ZNF654: variants seen among roughly 807,000 people sequenced by gnomAD.
The protein encoded by ZNF654 is zinc finger protein 654.
ZNF654 carries 19 observed loss-of-function variants against 95.3 expected under a neutral mutation model. The observed-to-expected ratio is 0.20, with a 90% CI of 0.14 to 0.29. ZNF654 has a LOEUF of 0.29. Ranked by LOEUF, ZNF654 falls within the 10% of genes least tolerant of loss-of-function variation. The pLI is 1.00. For synonymous variants in ZNF654, 413 were observed against 457.9 expected (o/e 0.90, Z 1.25); for missense variants, 1,046 against 1,341.0 (o/e 0.78, Z 3.44).
Position 88,059,265 on chromosome 3 carries a change from T to A in ZNF654, c.-55T>A. Reference sequence around the variant, plus strand: ...GAGGAGGAGGAGGTTAGCCTAGGCATCTACGGCGGCGGCGGCGGCGCAGGG... The same window carrying A: ...GAGGAGGAGGAGGTTAGCCTAGGCAACTACGGCGGCGGCGGCGGCGCAGGG... On this transcript the variant is annotated 5_prime_UTR_variant, in exon 1 of 9. Transcript: ENST00000636215. 6 of 1,531,802 alleles carry A rather than the reference T, an allele frequency of 3.9e-6. No individual in the cohort carries two copies. The highest frequency in any genetic ancestry group is 5.2e-6 in the Non-Finnish European group (6 of 1,145,726). 94.9% of individuals were successfully genotyped at this position (1,531,802 alleles called of 1,614,324 possible).
In ZNF654 at chr3:88,094,104, CTTTT is replaced by C. The variant is rs11449650; in HGVS notation, c.332+7711_332+7714del. On this transcript the variant is annotated intron_variant, in intron 2 of 8. Coordinates refer to ENST00000636215, the MANE Select transcript of ZNF654 (RefSeq NM_001350134.2). ...TCTTCTCTGAGGAAGAGATAATATT[CTTTT>C]TTTTTTTTGAGGCAGTTGGTGGTCT... Among the ~76,000 whole-genome samples, 794 of 147,918 alleles carry C rather than the reference CTTTT, an allele frequency of 5.4e-3. 5 individuals are homozygous for C. Among genetic ancestry groups the C allele is most frequent in the Non-Finnish European group, 9.0e-3 (600 of 66,884 alleles).
In ZNF654 at chr3:88,139,340, T is replaced by A; in HGVS notation, c.1671T>A (p.Gly557=). Residue 557 remains glycine, a synonymous_variant, in exon 8 of 9, where the codon GGT becomes GGA. Coordinates refer to ENST00000636215, the MANE Select transcript of ZNF654 (RefSeq NM_001350134.2). The part of the protein sequence containing the change: ...CMLCNKEFLG[G]HIVRHAQAHQ... ...TATGTAACAAGGAATTTTTAGGTGG[T>A]CACATTGTAAGGCATGCCCAGGCTC... is the stretch of plus-strand genomic sequence containing the variant. 1 of 1,607,626 alleles carries A rather than the reference T, an allele frequency of 6.2e-7. No homozygotes were observed. Among genetic ancestry groups the A allele is most frequent in the Non-Finnish European group, 8.5e-7 (1 of 1,177,878 alleles).
intron 2 of ZNF654, among the ~76,000 whole-genome samples, chr3:88,096,897 A>T (rs533345812): frequency 6.6e-6 from 1 of 152,264 alleles, no homozygotes; most frequent in Non-Finnish European, 1.5e-5. Flanking sequence ...ATATAAGAAA[A>T]AAACCTCATA....
chr3:88,110,538 A>T (rs1175256209), intron 2 of ZNF654, among the ~76,000 whole-genome samples: 1 of 152,106 alleles, frequency 6.6e-6, no homozygotes, highest in Non-Finnish European at 1.5e-5. Flanking sequence ...TTTCTCATGT[A>T]CTATACAAAA....
At chr3:88,070,940 A>C (rs1707476455) in intron 1 of ZNF654, among the ~76,000 whole-genome samples, 1 of 152,152 alleles carries the variant, frequency 6.6e-6, no homozygotes, top group Non-Finnish European at 1.5e-5. Flanking sequence ...ATATTATCCA[A>C]ATTTAATATA....
chr3:88,077,509 A>ATT (rs11379558), intron 1 of ZNF654, among the ~76,000 whole-genome samples: 19 of 151,556 alleles, frequency 1.3e-4, no homozygotes, highest in East Asian at 1.9e-4. Flanking sequence ...ATTTTTTGTG[A>ATT]TTTTTTTAGT....
chr3:88,139,766 T>G lies in ZNF654; in HGVS notation c.2097T>G (p.Asp699Glu), dbSNP rs1320798898. 4 of 1,554,284 alleles carry G rather than the reference T, an allele frequency of 2.6e-6. No individual in the cohort carries two copies. Among genetic ancestry groups the G allele is most frequent in the Non-Finnish European group, 3.5e-6 (4 of 1,148,260 alleles). Residue 699 changes from aspartate to glutamate, a missense_variant, in exon 8 of 9, where the codon GAT becomes GAG. By Grantham distance (45) the Asp-to-Glu change is conservative (BLOSUM62 2). Transcript: ENST00000636215. ...AGCCTTTAACTGAATGTGGGGATGA[T>G]TATGAGGAGGAAGAGGATGAAGAAG... Reference protein sequence around the residue: ...VFKPLTECGDDYEEEEDEEGD... With the variant: ...VFKPLTECGDEYEEEEDEEGD...
At chr3:88,126,565 TTAAG>T (rs990231610) in intron 4 of ZNF654, among the ~76,000 whole-genome samples, 1 of 149,358 alleles carries the variant, frequency 6.7e-6, no homozygotes, top group African/African-American at 2.5e-5. Context: ...TAAAATTTGT[TTAAG>T]TAGAAACATC....
chr3:88,124,651 G>GT (rs890440587), intron 3 of ZNF654, among the ~76,000 whole-genome samples: 3 of 151,980 alleles, frequency 2.0e-5, no homozygotes, highest in Non-Finnish European at 4.4e-5. Flanking sequence ...CTGAAAATAT[G>GT]TTTTTTTAAA....
At chr3:88,114,351 G>A (rs80083358) in intron 3 of ZNF654, among the ~76,000 whole-genome samples, 1,565 of 152,274 alleles carry the variant, frequency 0.01, 26 homozygotes, top group African/African-American at 0.035. Flanking sequence ...AATGTTTGGA[G>A]TAGATGAGGG....
chr3:88,133,743 G>A (rs6767258), intron 6 of ZNF654, among the ~76,000 whole-genome samples: 107,422 of 151,938 alleles, frequency 0.71, 41,686 homozygotes, highest in South Asian at 0.91. Context: ...ATATGATCAC[G>A]GAGGCTGAAA....
chr3:88,132,919 T>TGCA (rs1359611275), intron 6 of ZNF654, among the ~76,000 whole-genome samples: 2 of 152,186 alleles, frequency 1.3e-5, no homozygotes, highest in Non-Finnish European at 2.9e-5. Flanking sequence ...ACATTTAGGG[T>TGCA]GCAGTATGAG....
At chr3:88,133,786 A>G (rs1482092606) in intron 6 of ZNF654, among the ~76,000 whole-genome samples, 2 of 152,150 alleles carry the variant, frequency 1.3e-5, no homozygotes, top group East Asian at 1.9e-4. Context: ...GTAGAAATAC[A>G]TGTGTAAAAT....
intron 1 of ZNF654, 146 bp downstream of exon 1, chr3:88,059,651 T>C: frequency 5.9e-6 from 6 of 1,011,118 alleles, no homozygotes; most frequent in East Asian, 5.5e-5. Context: ...CCTCCTCCAC[T>C]TATCCGGCTT....
At position 88,140,003 on chromosome 3, in the gene ZNF654, A is replaced by G. The variant is rs1317010061; in HGVS notation, c.2334A>G (p.Arg778=). ...MTVHPTDLNV[R]QTVMKWSKGK... ...TACATCCAACCGATTTAAATGTGCG[A>G]CAAACAGTAATGAAGTGGAGCAAAG... Residue 778 remains arginine (R), a synonymous_variant, in exon 8 of 9, where the codon CGA becomes CGG. Transcript: ENST00000636215. 6.8e-6 allele frequency: 11 copies of G among 1,613,708 alleles called. No individual in the cohort carries two copies. The highest frequency in any genetic ancestry group is 9.3e-6 in the Non-Finnish European group (11 of 1,179,818).
In ZNF654 at chr3:88,132,744, C is replaced by T. The variant is rs1435023527; in HGVS notation, c.894-2317C>T. 2.0e-5 allele frequency among the ~76,000 whole-genome samples: 3 copies of T among 152,316 alleles called. No individual in the cohort carries two copies. The East Asian group carries it at 5.8e-4, about 29-fold the overall frequency. ...CACTTCACCTAGGTGTTTCAATTAT[C>T]TCTCTTAATTCTTTTAATAAAGATG... On this transcript the variant is annotated intron_variant, in intron 6 of 8. Coordinates refer to ENST00000636215, the MANE Select transcript of ZNF654 (RefSeq NM_001350134.2).
At chr3:88,066,887 C>T (rs1707232566) in intron 1 of ZNF654, among the ~76,000 whole-genome samples, 1 of 152,124 alleles carries the variant, frequency 6.6e-6, no homozygotes, top group Non-Finnish European at 1.5e-5. Context: ...TTAAATCTGG[C>T]CCATTGAATG....
At chr3:88,088,720 G>T (rs1279755497) in intron 2 of ZNF654, among the ~76,000 whole-genome samples, 1 of 67,750 alleles carries the variant, frequency 1.5e-5, no homozygotes, top group Non-Finnish European at 3.8e-5. Context: ...GTAAGAGTGA[G>T]GCAGTTTAAA....
In ZNF654 at chr3:88,143,615, C is replaced by G. The variant is rs535799017; in HGVS notation, c.*1963C>G. The G allele has an allele frequency of 6.6e-6, 1 of 152,308 alleles. No homozygotes were observed. The highest frequency in any genetic ancestry group is 1.9e-4 in the East Asian group (1 of 5,188). The allele number at this position is 152,308 out of a possible 1,614,324, so 9.4% of individuals were successfully genotyped here. ...ACAAGTTGTAACAATTGATATAAATCCATGCCCACAAAGTATTCCATTTTC... is the reference window on the plus strand; with the variant it reads ...ACAAGTTGTAACAATTGATATAAATGCATGCCCACAAAGTATTCCATTTTC... On this transcript the variant is annotated 3_prime_UTR_variant, in exon 9 of 9. Coordinates refer to ENST00000636215, the MANE Select transcript of ZNF654 (RefSeq NM_001350134.2).
Sources: gnomAD v4.1 joint callset for allele counts (sites outside exome capture counted in the v4.1 genomes callset) on GRCh38, gnomAD v4.1.1 for gene constraint, MANE v1.5 for transcripts, NCBI Gene and HGNC (gene_info 2026-07-23, HGNC 2026-07-21) for gene names.